Variants in GDPD4 observed in about 807,000 individuals in gnomAD.
GDPD4 encodes the protein glycerophosphodiester phosphodiesterase 6.
A neutral mutation model predicts 67.8 loss-of-function variants in GDPD4; 60 were observed. That is an observed-to-expected ratio of 0.88 (90% CI 0.72 to 1.10). The LOEUF is 1.10. Ranked by LOEUF, GDPD4 falls within the 50% of genes least tolerant of loss-of-function variation. The pLI, the probability that GDPD4 is intolerant of heterozygous loss-of-function variation, is 0.00. For synonymous variants in GDPD4, 212 were observed against 210.9 expected (o/e 1.00, Z -0.04); for missense variants, 623 against 613.9 (o/e 1.01, Z -0.16).
intron 1 of GDPD4, among the ~76,000 whole-genome samples, chr11:77,299,034 A>AT (rs1389248741): frequency 6.6e-6 from 1 of 152,040 alleles, no homozygotes; most frequent in Non-Finnish European, 1.5e-5. Context: ...TTTGGACAAG[A>AT]TAAAAAAAAA....
chr11:77,238,887 A>G (rs1300154277), intron 13 of GDPD4, among the ~76,000 whole-genome samples: 1 of 152,172 alleles, frequency 6.6e-6, no homozygotes, highest in Non-Finnish European at 1.5e-5. Context: ...TACGGACACT[A>G]CAAGAAAAGA....
At chr11:77,223,280 T>C (rs1291852312) in intron 16 of GDPD4, among the ~76,000 whole-genome samples, 2 of 152,170 alleles carry the variant, frequency 1.3e-5, no homozygotes, top group Non-Finnish European at 2.9e-5. Flanking sequence ...GCTGCAATCC[T>C]TTGGAGGAGA....
At chr11:77,261,803 A>C (rs1959124089) in intron 10 of GDPD4, among the ~76,000 whole-genome samples, 1 of 152,196 alleles carries the variant, frequency 6.6e-6, no homozygotes, top group Non-Finnish European at 1.5e-5. Context: ...GGGAAGCTTC[A>C]GATGGGGATG....
chr11:77,256,790 T>TCC (rs1424045413), intron 11 of GDPD4, among the ~76,000 whole-genome samples: 3 of 152,116 alleles, frequency 2.0e-5, no homozygotes, highest in African/African-American at 7.2e-5. Context: ...CATGCCTTGC[T>TCC]CCCCCTTCAT....
At chr11:77,296,931 G>T (rs1937987881) in intron 1 of GDPD4, among the ~76,000 whole-genome samples, 1 of 151,410 alleles carries the variant, frequency 6.6e-6, no homozygotes, top group Non-Finnish European at 1.5e-5. Context: ...GTGTGCGCCT[G>T]TAGTCCCAGC....
intron 13 of GDPD4, among the ~76,000 whole-genome samples, chr11:77,234,706 C>T (rs965277282): frequency 9.2e-5 from 14 of 152,210 alleles, no homozygotes; most frequent in African/African-American, 3.4e-4. Context: ...CATAGTATTC[C>T]ATGGTGTATA....
intron 1 of GDPD4, among the ~76,000 whole-genome samples, chr11:77,300,176 CTCACTCCCGCCAAACCACTCACCCCG>C (rs1379831523): frequency 1.3e-5 from 2 of 152,112 alleles, no homozygotes; most frequent in African/African-American, 2.4e-5. Context: ...CTGCTCCACC[CTCACTCCCGCCAAACCACTCACCCCG>C]TCACTCTCTC....
In GDPD4 at chr11:77,227,870, G is replaced by C; in HGVS notation, c.1519C>G (p.Arg507Gly). The change falls in exon 16 of 17, where the codon CGC (arginine) becomes GGC (glycine). Residue 507 changes from arginine (R) to glycine (G), a missense_variant. Coordinates refer to ENST00000315938, the MANE Select transcript of GDPD4 (RefSeq NM_182833.3). ...KEKLFETSSTRTDTQSGSKNE... is the reference protein window; with the variant it reads ...KEKLFETSSTGTDTQSGSKNE... ...GCTAGGCCTCTGACTTTACCTGTGC[G>C]AGTGCTGGAGGTTTCAAACAATTTT... The C allele has an allele frequency of 6.2e-7, 1 of 1,612,462 alleles. No individual in the cohort carries two copies. The highest frequency in any genetic ancestry group is 8.5e-7 in the Non-Finnish European group (1 of 1,178,544).
intron 13 of GDPD4, among the ~76,000 whole-genome samples, chr11:77,241,638 TAAAAAA>T (rs36036994): frequency 3.3e-5 from 2 of 60,824 alleles, no homozygotes; most frequent in Admixed American, 5.1e-4. Flanking sequence ...ACCCTGTCTT[TAAAAAA>T]AAAAAAAAAA....
chr11:77,236,729 A>AAAACAC (rs372484147), intron 13 of GDPD4, among the ~76,000 whole-genome samples: 109 of 145,480 alleles, frequency 7.5e-4, no homozygotes, highest in African/African-American at 2.6e-3. Context: ...ACAAGAAGGA[A>AAAACAC]ACACACACAC....
At chr11:77,225,548 A>T (rs139190138) in intron 16 of GDPD4, among the ~76,000 whole-genome samples, 14 of 152,344 alleles carry the variant, frequency 9.2e-5, no homozygotes, top group Middle Eastern at 3.4e-3. Flanking sequence ...CCATAATCAA[A>T]CTACTAAAAA....
At chr11:77,235,408 C>T (rs924861191) in intron 13 of GDPD4, among the ~76,000 whole-genome samples, 1 of 152,014 alleles carries the variant, frequency 6.6e-6, no homozygotes, top group Non-Finnish European at 1.5e-5. Flanking sequence ...GAGGGAATCA[C>T]TCTATCTGAT....
At chr11:77,227,731 TCCCTC>T in intron 16 of GDPD4, 128 bp downstream of exon 16, 3 of 612,692 alleles carry the variant, frequency 4.9e-6, no homozygotes. Context: ...CTTCCCCTGG[TCCCTC>T]CCCCAACCCC....
intron 10 of GDPD4, among the ~76,000 whole-genome samples, chr11:77,264,792 G>C (rs912751471): frequency 1.6e-4 from 24 of 152,072 alleles, no homozygotes; most frequent in African/African-American, 5.8e-4. Flanking sequence ...AAATATGACG[G>C]CAGGAGACCA....
At chr11:77,240,750 A>T (rs2135839774) in intron 13 of GDPD4, among the ~76,000 whole-genome samples, 1 of 152,290 alleles carries the variant, frequency 6.6e-6, no homozygotes, top group East Asian at 1.9e-4. Context: ...AACCCAATGA[A>T]AAAATGGGCT....
At chr11:77,293,020 AAAC>A (rs768392868) in intron 1 of GDPD4, among the ~76,000 whole-genome samples, 18 of 152,162 alleles carry the variant, frequency 1.2e-4, no homozygotes, top group Admixed American at 6.5e-4. Context: ...AAAAGAAAAA[AAAC>A]AACAACAACG....
At chr11:77,269,448 A>T (rs989063262) in intron 8 of GDPD4, among the ~76,000 whole-genome samples, 1 of 152,164 alleles carries the variant, frequency 6.6e-6, no homozygotes, top group Non-Finnish European at 1.5e-5. Context: ...AGATCATCCT[A>T]AAACATCTGT....
intron 1 of GDPD4, among the ~76,000 whole-genome samples, chr11:77,296,927 G>A (rs1027510023): frequency 2.0e-5 from 3 of 151,440 alleles, no homozygotes; most frequent in South Asian, 2.1e-4. Flanking sequence ...GGTGGTGTGC[G>A]CCTGTAGTCC....
At chr11:77,291,350 T>C (rs560732660) in intron 1 of GDPD4, among the ~76,000 whole-genome samples, 8 of 152,180 alleles carry the variant, frequency 5.3e-5, no homozygotes, top group African/African-American at 1.7e-4. Context: ...AGAATGATAA[T>C]TACCGGAGGC....
Sources: allele counts gnomAD v4.1 joint callset (sites outside exome capture counted in the v4.1 genomes callset), GRCh38; gene constraint gnomAD v4.1.1; transcripts MANE v1.5; gene names NCBI Gene and HGNC (gene_info 2026-07-23, HGNC 2026-07-21).